Variants in CSTPP1 observed in about 807,000 individuals in gnomAD.
The protein encoded by CSTPP1 is UPF0705 protein C11orf49.
chr11:47,154,923 C>T, the CSTPP1 span: 9 of 528,002 alleles, frequency 1.7e-5, no homozygotes, highest in African/African-American at 3.8e-5. Flanking sequence ...ACCGGGAGCC[C>T]GCTCTGGGTA....
chr11:47,164,367 C>G, the CSTPP1 span: 1 of 1,188,406 alleles, frequency 8.4e-7, no homozygotes, highest in Non-Finnish European at 1.1e-6. Flanking sequence ...TGTTTCAATA[C>G]AAACAGTCCA....
chr11:47,161,299 C>T, the CSTPP1 span: 1 of 1,599,670 alleles, frequency 6.3e-7, no homozygotes, highest in Admixed American at 1.7e-5. Flanking sequence ...CCCACATCTG[C>T]CAGGGAAGGG....
At chr11:46,951,972 A>G in the CSTPP1 span, among the ~76,000 whole-genome samples, 3 of 152,164 alleles carry the variant, frequency 2.0e-5, no homozygotes, top group Non-Finnish European at 4.4e-5. Flanking sequence ...GTTGAGGTCT[A>G]CTGAGGTTTG....
At chr11:47,060,382 C>G in the CSTPP1 span, among the ~76,000 whole-genome samples, 1 of 150,224 alleles carries the variant, frequency 6.7e-6, no homozygotes, top group Non-Finnish European at 1.5e-5. Context: ...GGAATACAAG[C>G]ACATACCACC....
the CSTPP1 span, among the ~76,000 whole-genome samples, chr11:46,985,354 A>G: frequency 2.0e-5 from 3 of 152,340 alleles, no homozygotes; most frequent in Admixed American, 6.5e-5. Context: ...TGAAATACCA[A>G]TATTTATAAA....
the CSTPP1 span, among the ~76,000 whole-genome samples, chr11:46,982,988 A>G: frequency 6.6e-6 from 1 of 152,212 alleles, no homozygotes; most frequent in South Asian, 2.1e-4. Flanking sequence ...TCAGTAAATG[A>G]CAGAGCTAGA....
the CSTPP1 span, among the ~76,000 whole-genome samples, chr11:47,001,109 T>G: frequency 6.6e-6 from 1 of 152,308 alleles, no homozygotes; most frequent in South Asian, 2.1e-4. Context: ...CAGAGGGTGA[T>G]GCACCTTTTC....
the CSTPP1 span, among the ~76,000 whole-genome samples, chr11:47,065,842 C>T: frequency 1.2e-4 from 19 of 152,058 alleles, no homozygotes; most frequent in East Asian, 3.1e-3. Flanking sequence ...CACCCGGGTT[C>T]GAGCAATTCA....
the CSTPP1 span, among the ~76,000 whole-genome samples, chr11:47,118,831 C>T: frequency 2.0e-5 from 3 of 152,158 alleles, no homozygotes; most frequent in Non-Finnish European, 2.9e-5. Flanking sequence ...CTGGAAGCTT[C>T]GTCCCAGAGG....
chr11:47,103,342 G>A, the CSTPP1 span, among the ~76,000 whole-genome samples: 1 of 151,340 alleles, frequency 6.6e-6, no homozygotes, highest in Non-Finnish European at 1.5e-5. Flanking sequence ...GGGGGTTGCA[G>A]TGAGCTGAGA....
chr11:47,095,272 T>C, the CSTPP1 span, among the ~76,000 whole-genome samples: 36,691 of 152,096 alleles, frequency 0.24, 5,173 homozygotes, highest in East Asian at 0.65. Context: ...TTGTTTCAGT[T>C]GCTAGTATTA....
At chr11:47,161,056 G>C in the CSTPP1 span, 2 of 1,591,098 alleles carry the variant, frequency 1.3e-6, no homozygotes, top group Admixed American at 1.7e-5. Flanking sequence ...TGAAGGTGAG[G>C]GGCATGGAGG....
At chr11:46,963,688 G>C in the CSTPP1 span, among the ~76,000 whole-genome samples, 1 of 151,688 alleles carries the variant, frequency 6.6e-6, no homozygotes, top group African/African-American at 2.4e-5. Context: ...CGGAGGCTGA[G>C]GCATGAGAAT....
At chr11:47,141,783 C>T in the CSTPP1 span, among the ~76,000 whole-genome samples, 3 of 151,024 alleles carry the variant, frequency 2.0e-5, no homozygotes, top group Non-Finnish European at 4.4e-5. Context: ...AAATACAAAA[C>T]TTAGCTGGGC....
the CSTPP1 span, chr11:46,936,960 G>A: frequency 7.9e-7 from 1 of 1,269,110 alleles, no homozygotes; most frequent in Non-Finnish European, 1.0e-6. Flanking sequence ...CGGGTGGTAT[G>A]GGGAGGGGCG....
chr11:47,096,400 T>G, the CSTPP1 span, among the ~76,000 whole-genome samples: 6 of 152,204 alleles, frequency 3.9e-5, no homozygotes, highest in Admixed American at 3.9e-4. Context: ...TTTCTGTCCC[T>G]CTGAATTTGC....
At chr11:47,159,138 T>C in the CSTPP1 span, among the ~76,000 whole-genome samples, 1 of 152,206 alleles carries the variant, frequency 6.6e-6, no homozygotes, top group African/African-American at 2.4e-5. Context: ...GAGTCAGTGC[T>C]TGGGGCATGC....
chr11:46,981,846 G>A, the CSTPP1 span, among the ~76,000 whole-genome samples: 3 of 151,956 alleles, frequency 2.0e-5, no homozygotes, highest in Non-Finnish European at 4.4e-5. Context: ...TTGGTTAAGG[G>A]AAATTGGTCT....
chr11:47,088,955 A>C, the CSTPP1 span, among the ~76,000 whole-genome samples: 3 of 152,230 alleles, frequency 2.0e-5, no homozygotes, highest in Non-Finnish European at 4.4e-5. Flanking sequence ...GTTTTGTTAA[A>C]GAGTTTTATA....
Sources: allele counts gnomAD v4.1 joint callset (sites outside exome capture counted in the v4.1 genomes callset), GRCh38; gene constraint gnomAD v4.1.1; transcripts MANE v1.5; gene names NCBI Gene and HGNC (gene_info 2026-07-23, HGNC 2026-07-21).